The following DLG2 variants were observed in gnomAD, a reference collection of about 807,000 sequenced individuals.
DLG2 encodes discs large MAGUK scaffold protein 2, also known as disks large homolog 2.
In DLG2, 45 loss-of-function variants were observed where a neutral mutation model predicts 132.5. The observed-to-expected ratio is 0.34, with a 90% CI of 0.27 to 0.44. The LOEUF (loss-of-function observed/expected upper bound fraction) is 0.44, where lower values mean the gene tolerates loss of function less well. Among genes scored for constraint, DLG2 ranks in the 20% least tolerant of loss-of-function variants. DLG2 has a pLI of 1.00. For synonymous variants in DLG2, 424 were observed against 419.6 expected, an observed-to-expected ratio of 1.01 and a Z score of -0.13; for missense variants, 1,045 against 1,196.9, an observed-to-expected ratio of 0.87 and a Z score of 1.87.
chr11:84,523,793 T>C (rs2099311750), intron 7 of DLG2, among the ~76,000 whole-genome samples: 1 of 152,226 alleles, frequency 6.6e-6, no homozygotes, highest in Non-Finnish European at 1.5e-5. Flanking sequence ...ACTCTAGAAA[T>C]ATCTGCAGCT....
Position 83,833,770 on chromosome 11 carries a change from T to C in DLG2, c.1566A>G (p.Gly522=). ...TGTGCAGGACTACCTTGCGAGGCTC[T>C]CTGCAGAAAGAAATAGAGAACACAG... ...MTLQRAVSLE[G]EPRKVVLHKG... Residue 522 remains glycine, a splice_region_variant and synonymous_variant, in exon 17 of 28, where the codon GGA becomes GGG. Transcript: ENST00000376104. 1 of 1,613,366 alleles carries C rather than the reference T, an allele frequency of 6.2e-7. No homozygotes were observed. Among genetic ancestry groups the C allele is most frequent in the South Asian group, 1.1e-5 (1 of 91,006 alleles).
chr11:85,474,108 G>A (rs1240392472), intron 3 of DLG2, among the ~76,000 whole-genome samples: 1 of 151,836 alleles, frequency 6.6e-6, no homozygotes, highest in Non-Finnish European at 1.5e-5. Context: ...AATACTGGCA[G>A]TAAAAGTGTG....
intron 7 of DLG2, among the ~76,000 whole-genome samples, chr11:84,490,947 C>G (rs2099163531): frequency 6.6e-6 from 1 of 151,718 alleles, no homozygotes; most frequent in South Asian, 2.1e-4. Flanking sequence ...CACTAGCTCT[C>G]CAGTGCATTA....
chr11:85,266,305 T>C (rs555635604), intron 4 of DLG2, among the ~76,000 whole-genome samples: 27 of 152,302 alleles, frequency 1.8e-4, no homozygotes, highest in African/African-American at 6.3e-4. Context: ...GTAAGTGGAG[T>C]TCCTCTTGCC....
chr11:85,405,332 G>C (rs893592480), intron 3 of DLG2, among the ~76,000 whole-genome samples: 1 of 151,922 alleles, frequency 6.6e-6, no homozygotes, highest in Non-Finnish European at 1.5e-5. Context: ...GTACAACATG[G>C]CCAAGAAGTC....
intron 3 of DLG2, among the ~76,000 whole-genome samples, chr11:85,361,433 C>G (rs901503075): frequency 2.6e-5 from 4 of 152,066 alleles, no homozygotes; most frequent in Non-Finnish European, 4.4e-5. Context: ...ACATTGTACC[C>G]AATAAATAAT....
At chr11:85,185,717 C>G (rs2080044563) in intron 4 of DLG2, among the ~76,000 whole-genome samples, 1 of 151,844 alleles carries the variant, frequency 6.6e-6, no homozygotes, top group South Asian at 2.1e-4. Flanking sequence ...CCTCTGCATA[C>G]TTACAGCTAA....
intron 7 of DLG2, among the ~76,000 whole-genome samples, chr11:84,454,239 GGAA>G (rs2099059312): frequency 6.6e-6 from 1 of 151,402 alleles, no homozygotes; most frequent in Non-Finnish European, 1.5e-5. Flanking sequence ...AAAGGAAGGA[GGAA>G]GAAGAAGGCA....
intron 16 of DLG2, among the ~76,000 whole-genome samples, chr11:83,856,728 C>T (rs1393313693): frequency 6.6e-6 from 1 of 152,028 alleles, no homozygotes; most frequent in Non-Finnish European, 1.5e-5. Context: ...GATATTTGAC[C>T]TTTCTCAGAT....
intron 18 of DLG2, among the ~76,000 whole-genome samples, chr11:83,776,113 A>T (rs1209790314): frequency 1.3e-5 from 2 of 149,316 alleles, no homozygotes; most frequent in African/African-American, 2.6e-5. Context: ...AATAAATAAA[A>T]TAAATAAATA....
chr11:85,374,943 T>C (rs2085287052), intron 3 of DLG2, among the ~76,000 whole-genome samples: 1 of 152,054 alleles, frequency 6.6e-6, no homozygotes, highest in Admixed American at 6.6e-5. Context: ...ATACTTGCAA[T>C]TTAATTTCAA....
intron 6 of DLG2, among the ~76,000 whole-genome samples, chr11:84,581,350 A>G (rs1442896998): frequency 6.6e-6 from 1 of 152,104 alleles, no homozygotes; most frequent in Non-Finnish European, 1.5e-5. Flanking sequence ...TCTTATCACT[A>G]TATACTATAT....
chr11:83,526,954 GA>G (rs534210049), intron 21 of DLG2, among the ~76,000 whole-genome samples: 102 of 152,240 alleles, frequency 6.7e-4, no homozygotes, highest in African/African-American at 2.4e-3. Context: ...GCTCCGTCAG[GA>G]AAGTGACCAT....
At chr11:84,937,540 CA>C (rs1388308336) in intron 6 of DLG2, among the ~76,000 whole-genome samples, 3 of 152,080 alleles carry the variant, frequency 2.0e-5, no homozygotes, top group Non-Finnish European at 4.4e-5. Context: ...AGCGTATATA[CA>C]GGAGTTAACA....
At chr11:83,829,645 T>G (rs2053893108) in intron 17 of DLG2, among the ~76,000 whole-genome samples, 1 of 152,236 alleles carries the variant, frequency 6.6e-6, no homozygotes, top group Non-Finnish European at 1.5e-5. Context: ...CTTTCCACAT[T>G]GTAATGTTTG....
intron 21 of DLG2, among the ~76,000 whole-genome samples, chr11:83,520,509 T>TGAA (rs1467034208): frequency 2.0e-5 from 3 of 152,176 alleles, no homozygotes; most frequent in African/African-American, 7.2e-5. Context: ...GCTTTCACAT[T>TGAA]AGGTGGCAGG....
chr11:83,790,361 A>C (rs1473295715), intron 17 of DLG2: 4 of 881,648 alleles, frequency 4.5e-6, no homozygotes, highest in Non-Finnish European at 5.6e-6. Context: ...CCAATCAAGG[A>C]AAGAACCATC....
rs1324248284 is a variant in DLG2 at position 84,933,708 on chromosome 11, T to A, written c.357+177953A>T. Reference sequence around the variant, plus strand: ...AATGCCAGTGATTTTTGCACATTCATGTTATATCCTGAGACTTTGCTGAAG... The same window carrying A: ...AATGCCAGTGATTTTTGCACATTCAAGTTATATCCTGAGACTTTGCTGAAG... On this transcript the variant is annotated intron_variant, in intron 6 of 27. Transcript: ENST00000376104. Among the ~76,000 whole-genome samples the A allele has an allele frequency of 2.6e-5, 4 of 152,218 alleles. 1 individual carries two copies.
chr11:85,305,464 T>C (rs1295086570), intron 3 of DLG2, among the ~76,000 whole-genome samples: 6 of 152,224 alleles, frequency 3.9e-5, no homozygotes, highest in Admixed American at 3.9e-4. Context: ...AGTTGTAAAG[T>C]GGTTATCCAG....
Sources: allele counts gnomAD v4.1 joint callset (sites outside exome capture counted in the v4.1 genomes callset), GRCh38; gene constraint gnomAD v4.1.1; transcripts MANE v1.5; gene names NCBI Gene and HGNC (gene_info 2026-07-23, HGNC 2026-07-21).